Variants in ABCA7 observed in about 807,000 individuals in gnomAD.
ABCA7 encodes the protein phospholipid-transporting ATPase ABCA7.
ABCA7 carries 261 observed loss-of-function variants against 227.6 expected under a neutral mutation model. The observed-to-expected ratio is 1.15, with a 90% CI of 1.04 to 1.27. The LOEUF (loss-of-function observed/expected upper bound fraction) is 1.27, where lower values mean the gene tolerates loss of function less well. Among genes scored for constraint, ABCA7 ranks in the 50% most tolerant of loss-of-function variants. The pLI is 0.00. For synonymous variants in ABCA7, 1,488 were observed against 1,279.7 expected (o/e 1.16, Z -3.47); for missense variants, 3,331 against 2,924.5 (o/e 1.14, Z -3.21).
chr19:1,043,818 A>T lies in ABCA7; in HGVS notation c.1024A>T (p.Ser342Cys). ...CCGGATCTTCACCTTCATGAACGAC[A>T]GTTCCAATGTGGCCATGCTGCAGGT... ...GPRIFTFMND[S>C]SNVAMLQRLL... Residue 342 changes from serine (S) to cysteine (C), a missense_variant, in exon 10 of 47, where the codon AGT becomes TGT. Physicochemically the swap from Ser to Cys is moderately radical, Grantham distance 112 (BLOSUM62 -1). Coordinates refer to ENST00000263094, the MANE Select transcript of ABCA7 (RefSeq NM_019112.4). 1.9e-6 allele frequency: 3 copies of T among 1,609,196 alleles called. No homozygotes were observed. Among genetic ancestry groups the T allele is most frequent in the Non-Finnish European group, 2.5e-6 (3 of 1,177,520 alleles).
intron 40 of ABCA7, among the ~76,000 whole-genome samples, chr19:1,060,207 A>ATATATATATATAT: frequency 1.0e-5 from 1 of 96,770 alleles, no homozygotes; most frequent in African/African-American, 3.5e-5. Context: ...ATATATATAT[A>ATATATATATATAT]TTTTTTTTTC....
In ABCA7 at chr19:1,046,278, C is replaced by T. The variant is rs1301381277; in HGVS notation, c.1494C>T (p.Tyr498=). The T allele has an allele frequency of 3.1e-6, 5 of 1,606,584 alleles. No homozygotes were observed. Among genetic ancestry groups the T allele is most frequent in the East Asian group, 2.2e-5 (1 of 44,894 alleles). The change falls in exon 13 of 47, where the codon TAC becomes TAT. Residue 498 remains tyrosine, a synonymous_variant. Transcript: ENST00000263094. ...PAADPLTDLR[Y]VWGGFVYLQD... is the part of the protein sequence containing the mutation. ...CGGACCCCCTGACCGACCTGCGCTACGTGTGGGGCGGCTTCGTGTACCTGC... is the reference window on the plus strand; with the variant it reads ...CGGACCCCCTGACCGACCTGCGCTATGTGTGGGGCGGCTTCGTGTACCTGC...
At chr19:1,063,471 C>A in intron 42 of ABCA7, 73 bp from the exon 43 acceptor site, 1 of 1,555,798 alleles carries the variant, frequency 6.4e-7, no homozygotes, top group East Asian at 2.3e-5. Flanking sequence ...TCAATGCTGG[C>A]CCCGCCACAC....
In ABCA7 at chr19:1,046,243, G is replaced by A; in HGVS notation, c.1459G>A (p.Gly487Ser). 1 of 1,607,140 alleles carries A rather than the reference G, an allele frequency of 6.2e-7. No individual in the cohort carries two copies. The highest frequency in any genetic ancestry group is 8.5e-7 in the Non-Finnish European group (1 of 1,179,694). Residue 487 changes from glycine to serine, a missense_variant, in exon 13 of 47, where the codon GGC becomes AGC. Gly to Ser is a moderately conservative substitution (Grantham distance 56, BLOSUM62 0). Transcript: ENST00000263094. ...CCCCTCTCGCAGGTTTTGGGACCCT[G>A]GCCCAGCCGCGGACCCCCTGACCGA... ...NKIRDRFWDP[G>S]PAADPLTDLR...
rs746248928 is a variant in ABCA7 at position 1,064,926 on chromosome 19, T to C, written c.6045-5T>C. On this transcript the variant is annotated splice_polypyrimidine_tract_variant and splice_region_variant and intron_variant, in intron 45 of 46. Transcript: ENST00000263094. ...ATCCGGTAGCCCTGGCCCCACTCAC[T>C]GCAGATTCGCGGCGGGTCACACACT... 7.7e-6 allele frequency: 12 copies of C among 1,557,694 alleles called. No individual in the cohort carries two copies. In the East Asian group the frequency reaches 2.4e-4, roughly 31 times the overall value.
chr19:1,042,247 C>G (rs1599548221), intron 5 of ABCA7, 68 bp from the exon 6 acceptor site: 5 of 1,588,718 alleles, frequency 3.1e-6, no homozygotes, highest in Non-Finnish European at 4.3e-6. Context: ...GAAATGGGCA[C>G]AGGGTGGGGG....
chr19:1,041,614 C>G lies in ABCA7; in HGVS notation c.160+11C>G. On this transcript the variant is annotated intron_variant, in intron 3 of 46. Transcript: ENST00000263094. ...TGGAGCACCATGAATGTGAGCCCCC[C>G]CAGGGACCAGGCACTTTGTGTGTGT... The G allele has an allele frequency of 1.9e-6, 3 of 1,609,908 alleles. No individual in the cohort carries two copies. The highest frequency in any genetic ancestry group is 2.5e-6 in the Non-Finnish European group (3 of 1,179,300).
Position 1,050,994 on chromosome 19 carries a change from A to G in ABCA7, c.2626A>G (p.Met876Val), listed in dbSNP as rs753349818. 2 of 1,612,320 alleles carry G rather than the reference A, an allele frequency of 1.2e-6. No homozygotes were observed. Among genetic ancestry groups the G allele is most frequent in the Admixed American group, 3.3e-5 (2 of 59,966 alleles). Residue 876 changes from methionine to valine, a missense_variant, in exon 19 of 47, where the codon ATG (methionine) becomes GTG (valine). Met to Val is a conservative substitution (Grantham distance 21). Transcript: ENST00000263094. ...FILGHDVRSSMAAIRPHLGVC... is the reference protein window; with the variant it reads ...FILGHDVRSSVAAIRPHLGVC... ...CCTGGGCCACGACGTCCGCTCCAGCATGGCCGCCATCCGGCCCCACCTGGG... is the reference window on the plus strand; with the variant it reads ...CCTGGGCCACGACGTCCGCTCCAGCGTGGCCGCCATCCGGCCCCACCTGGG...
chr19:1,060,375 C>A (rs1298749659), intron 40 of ABCA7, among the ~76,000 whole-genome samples: 2 of 151,422 alleles, frequency 1.3e-5, no homozygotes, highest in African/African-American at 4.9e-5. Flanking sequence ...CCATGCCCAG[C>A]TGATTTTGTA....
rs901105485 is a variant in ABCA7, at chr19:1,056,055, T to C, written c.4239-11T>C. 7.6e-6 allele frequency: 12 copies of C among 1,571,206 alleles called. No individual in the cohort carries two copies. Among genetic ancestry groups the C allele is most frequent in the African/African-American group, 2.7e-5 (2 of 73,950 alleles). ...CCTCAGCTCCCCTTCCCTGCCTGCA[T>C]GGCCCCACAGATACGGAGGCTTCTC... On this transcript the variant is annotated splice_polypyrimidine_tract_variant and intron_variant, in intron 31 of 46. Transcript: ENST00000263094. The surrounding 1 kb of genome is among the most constrained non-coding windows in gnomAD (Gnocchi z 4.3).
Position 1,058,962 on chromosome 19 carries a change from G to A in ABCA7, c.5400+22G>A, listed in dbSNP as rs1331932517. The A allele has an allele frequency of 2.5e-6, 4 of 1,611,598 alleles. No individual in the cohort carries two copies. In the African/African-American group the frequency reaches 5.3e-5, roughly 22 times the overall value. On this transcript the variant is annotated intron_variant, in intron 39 of 46. Coordinates refer to ENST00000263094, the MANE Select transcript of ABCA7 (RefSeq NM_019112.4). ...CAAGGTAGGTGTGGTCAGGTCGACT[G>A]CTGGGTGGGGGGTGCTCCCACTGGC... is the stretch of plus-strand genomic sequence containing the variant.
chr19:1,046,731 G>A, intron 13 of ABCA7, 71 bp from the exon 14 acceptor site: 2 of 1,441,932 alleles, frequency 1.4e-6, no homozygotes, highest in Non-Finnish European at 9.4e-7. Flanking sequence ...CGAACCAGTC[G>A]TGCCAGATGG....
In ABCA7 at chr19:1,056,614, A is replaced by G. The variant is rs183023717; in HGVS notation, c.4586+115A>G. On this transcript the variant is annotated intron_variant, in intron 33 of 46. Coordinates refer to ENST00000263094, the MANE Select transcript of ABCA7 (RefSeq NM_019112.4). This position sits in a 1 kb window ranked among gnomAD's most constrained non-coding sequence, Gnocchi z 4.3. ...ACCCTGACACACTCTTGCTTTATAA[A>G]TGGGGGATAGAAACTGTTCCTCTGC... The G allele has an allele frequency of 2.2e-4, 291 of 1,330,008 alleles. 1 individual carries two copies. The African/African-American group carries it at 3.8e-3, about 17-fold the overall frequency. The allele number at this position is 1,330,008 out of a possible 1,614,324, so 82.4% of individuals were successfully genotyped here.
At chr19:1,053,928 G>GCCTTTACCC in intron 25 of ABCA7, 78 bp from the exon 26 acceptor site, 1 of 1,600,460 alleles carries the variant, frequency 6.2e-7, no homozygotes. Flanking sequence ...CCAAGGCATA[G>GCCTTTACCC]CCTTTACCCT....
At chr19:1,058,290 G>A in intron 37 of ABCA7, 21 bp downstream of exon 37, 1 of 1,612,260 alleles carries the variant, frequency 6.2e-7, no homozygotes, top group Non-Finnish European at 8.5e-7. Context: ...CCTGTCAGGT[G>A]GGGCCATGGC....
chr19:1,053,519 C>A lies in ABCA7; in HGVS notation c.3411C>A (p.Thr1137=). Reference sequence around the variant, plus strand: ...TCACTGGCTACGGGATCTCCGACACCAGCCTCGAGGAGGTGTGAGGCCTGG... The same window carrying A: ...TCACTGGCTACGGGATCTCCGACACAAGCCTCGAGGAGGTGTGAGGCCTGG... ...LRLTGYGISD[T]SLEEIFLKVV... The change falls in exon 24 of 47, where the codon ACC becomes ACA. Residue 1137 remains threonine (T), a synonymous_variant. Transcript: ENST00000263094. The A allele has an allele frequency of 6.4e-7, 1 of 1,566,114 alleles. No homozygotes were observed. The highest frequency in any genetic ancestry group is 8.6e-7 in the Non-Finnish European group (1 of 1,160,784).
chr19:1,061,449 C>T (rs2042650123), intron 40 of ABCA7, among the ~76,000 whole-genome samples: 1 of 148,816 alleles, frequency 6.7e-6, no homozygotes, highest in Non-Finnish European at 1.5e-5. Flanking sequence ...GTAATCCCAG[C>T]ACTTTAGGAG....
Position 1,051,241 on chromosome 19 carries a change from T to G in ABCA7, c.2771T>G (p.Leu924Arg), listed in dbSNP as rs1449571522. The G allele has an allele frequency of 6.2e-7, 1 of 1,610,210 alleles. No homozygotes were observed. The highest frequency in any genetic ancestry group is 1.7e-5 in the Admixed American group (1 of 59,898). Residue 924 changes from leucine (L) to arginine (R), a missense_variant, in exon 20 of 47, where the codon CTG (leucine) becomes CGG (arginine). Leu to Arg is a moderately radical substitution (Grantham distance 102). Transcript: ENST00000263094. ...GTGGGCCCCGAGCAGGACCGTCTGC[T>G]GCAGGATGTGGGGCTGGTCTCCAAG... is the stretch of plus-strand genomic sequence containing the variant. ...AVVGPEQDRL[L>R]QDVGLVSKQS... is the part of the protein sequence containing the mutation.
intron 10 of ABCA7, among the ~76,000 whole-genome samples, 154 bp downstream of exon 10, chr19:1,043,995 T>C (rs2040336359): frequency 6.7e-6 from 1 of 149,510 alleles, no homozygotes; most frequent in Non-Finnish European, 1.5e-5. Flanking sequence ...TGGAATGCAG[T>C]GGCGTGATCT....
Sources: allele counts gnomAD v4.1 joint callset (sites outside exome capture counted in the v4.1 genomes callset), GRCh38; gene constraint gnomAD v4.1.1; non-coding constraint Gnocchi (gnomAD v3.1); transcripts MANE v1.5; gene names NCBI Gene and HGNC (gene_info 2026-07-23, HGNC 2026-07-21).